The following MYO7A variants were observed in gnomAD, a reference collection of about 807,000 sequenced individuals.
MYO7A encodes the protein unconventional myosin-VIIa.
MYO7A carries 210 observed loss-of-function variants against 263.8 expected under a neutral mutation model. The observed-to-expected ratio is 0.80, with a 90% CI of 0.71 to 0.89. The LOEUF is 0.89. MYO7A is among the 40% of genes least tolerant of loss of function. The pLI, the probability that MYO7A is intolerant of heterozygous loss-of-function variation, is 0.00. For synonymous variants in MYO7A, 1,239 were observed against 1,197.3 expected (o/e 1.03, Z -0.72); for missense variants, 2,820 against 2,968.3 (o/e 0.95, Z 1.16).
chr11:77,129,843 G>A (rs1296361507), intron 1 of MYO7A, among the ~76,000 whole-genome samples: 1 of 152,210 alleles, frequency 6.6e-6, no homozygotes, highest in Non-Finnish European at 1.5e-5. Context: ...GATGGCAAGA[G>A]CTGGCGTATT....
At chr11:77,161,796 A>C (rs1591294325) in intron 12 of MYO7A, among the ~76,000 whole-genome samples, 1 of 152,152 alleles carries the variant, frequency 6.6e-6, no homozygotes, top group East Asian at 1.9e-4. Flanking sequence ...TCTCCCAGGC[A>C]TCTGCCTGGG....
chr11:77,159,358 G>A (rs1952772588), intron 9 of MYO7A, 89 bp from the exon 10 acceptor site: 2 of 1,237,178 alleles, frequency 1.6e-6, no homozygotes. Flanking sequence ...CCCGGCAGCA[G>A]GAGTGGCAGC....
intron 2 of MYO7A, among the ~76,000 whole-genome samples, chr11:77,134,716 T>G (rs1555046925): frequency 6.6e-6 from 1 of 152,038 alleles, no homozygotes; most frequent in Admixed American, 6.6e-5. Context: ...CACTGTCTAC[T>G]GTACTCTATT....
In MYO7A at chr11:77,155,957, C is replaced by T; in HGVS notation, c.336C>T (p.Ser112=). Residue 112 remains serine, a synonymous_variant, in exon 5 of 49, where the codon TCC becomes TCT. Transcript: ENST00000409709. The part of the protein sequence containing the change: ...LVAVNPYQLL[S]IYSPEHIRQY... ...CTGTGAACCCCTACCAGCTGCTCTC[C>T]ATCTACTCGCCAGAGCACATCCGCC... is the stretch of plus-strand genomic sequence containing the variant. 1.2e-6 allele frequency: 2 copies of T among 1,612,500 alleles called. No individual in the cohort carries two copies. Among genetic ancestry groups the T allele is most frequent in the South Asian group, 1.1e-5 (1 of 90,650 alleles).
intron 17 of MYO7A, 90 bp downstream of exon 17, chr11:77,175,004 G>T: frequency 6.6e-7 from 1 of 1,517,232 alleles, no homozygotes; most frequent in Non-Finnish European, 9.0e-7. Flanking sequence ...ACCATGGGCG[G>T]GGCTTGACAT....
intron 38 of MYO7A, among the ~76,000 whole-genome samples, chr11:77,203,738 C>T (rs1333687088): frequency 6.6e-6 from 1 of 152,174 alleles, no homozygotes; most frequent in Non-Finnish European, 1.5e-5. Flanking sequence ...TCAGCACAGA[C>T]AGGATGGGAA....
chr11:77,194,005 T>C (rs116658872), intron 31 of MYO7A: 357 of 506,302 alleles, frequency 7.1e-4, no homozygotes, highest in African/African-American at 5.9e-3. Context: ...CTTCTGCTGT[T>C]TGTCAGCTCT....
intron 9 of MYO7A, among the ~76,000 whole-genome samples, chr11:77,158,727 A>G (rs1357500734): frequency 6.6e-6 from 1 of 152,218 alleles, no homozygotes; most frequent in Non-Finnish European, 1.5e-5. Context: ...CTTTAAAGTC[A>G]CATGTCTTAG....
At chr11:77,193,476 G>A (rs1956392527) in intron 31 of MYO7A, among the ~76,000 whole-genome samples, 1 of 145,530 alleles carries the variant, frequency 6.9e-6, no homozygotes, top group Non-Finnish European at 1.5e-5. Context: ...TGTTGGTAGT[G>A]ATGATGGTGG....
At chr11:77,152,359 T>C (rs1426102370) in intron 4 of MYO7A, among the ~76,000 whole-genome samples, 1 of 152,250 alleles carries the variant, frequency 6.6e-6, no homozygotes, top group African/African-American at 2.4e-5. Flanking sequence ...GTCCCCTCGC[T>C]ACCTTCCCTG....
chr11:77,208,533 C>T lies in MYO7A; in HGVS notation c.5944+16C>T. 6.2e-7 allele frequency: 1 copy of T among 1,606,822 alleles called. No homozygotes were observed. Among genetic ancestry groups the T allele is most frequent in the Non-Finnish European group, 8.5e-7 (1 of 1,175,560 alleles). ...ATCAAGGACGGTAATGAGGCCGGGT[C>T]CTGGGATCATCTGAGGCCCAGAGCA... On this transcript the variant is annotated intron_variant, in intron 43 of 48. Transcript: ENST00000409709.
At chr11:77,145,067 C>T (rs1377126580) in intron 3 of MYO7A, among the ~76,000 whole-genome samples, 19 of 152,194 alleles carry the variant, frequency 1.2e-4, no homozygotes, top group Non-Finnish European at 7.4e-5. Context: ...GTTGGGACTC[C>T]TCCCACGCAG....
chr11:77,172,012 G>A (rs1555076321), intron 15 of MYO7A, among the ~76,000 whole-genome samples: 2 of 152,200 alleles, frequency 1.3e-5, no homozygotes, highest in East Asian at 3.8e-4. Context: ...GGCTGCTTGT[G>A]TGCCTTCTTA....
In MYO7A at chr11:77,181,521, A is replaced by C. The variant is rs1357072694; in HGVS notation, c.2836A>C (p.Met946Leu). The change falls in exon 23 of 49, where the codon ATG becomes CTG. Residue 946 changes from methionine (M) to leucine (L), a missense_variant. Physicochemically the swap from Met to Leu is conservative, Grantham distance 15. Coordinates refer to ENST00000409709, the MANE Select transcript of MYO7A (RefSeq NM_000260.4). ...PVNHSDMVDKMFGFLGTSGGL... is the reference protein window; with the variant it reads ...PVNHSDMVDKLFGFLGTSGGL... ...CAATCACTCAGACATGGTGGACAAG[A>C]TGTTTGGCTTCCTGGGGACTTCAGG... is the stretch of plus-strand genomic sequence containing the variant. The C allele has an allele frequency of 7.4e-6, 12 of 1,613,406 alleles. No individual in the cohort carries two copies. Among genetic ancestry groups the C allele is most frequent in the Non-Finnish European group, 9.3e-6 (11 of 1,179,880 alleles).
At chr11:77,196,467 A>G (rs1246870796) in intron 32 of MYO7A, among the ~76,000 whole-genome samples, 1 of 152,188 alleles carries the variant, frequency 6.6e-6, no homozygotes, top group Non-Finnish European at 1.5e-5. Flanking sequence ...GGAAGGAAGC[A>G]CACAATTCAG....
At chr11:77,212,236 C>T (rs1016301857) in intron 46 of MYO7A, 4 of 534,404 alleles carry the variant, frequency 7.5e-6, no homozygotes, top group Admixed American at 2.2e-5. Context: ...TGGCAGAGCT[C>T]GGGAGGCTCT....
At chr11:77,148,347 G>T (rs902328102) in intron 4 of MYO7A, among the ~76,000 whole-genome samples, 7 of 152,242 alleles carry the variant, frequency 4.6e-5, no homozygotes, top group African/African-American at 1.7e-4. Context: ...AGGCCGCAGG[G>T]CCAAGAGAGG....
chr11:77,182,549 G>A lies in MYO7A; in HGVS notation c.3234G>A (p.Leu1078=). The A allele has an allele frequency of 1.2e-6, 2 of 1,613,354 alleles. No homozygotes were observed. Among genetic ancestry groups the A allele is most frequent in the Admixed American group, 3.3e-5 (2 of 60,028 alleles). ...IPVMTKIYET[L]GKKTYKRELQ... ...TGATGACCAAGATTTATGAGACCCT[G>A]GGCAAGAAGACGTACAAGAGGGAGC... The change falls in exon 25 of 49, where the codon CTG becomes CTA. Residue 1078 remains leucine, a synonymous_variant. Coordinates refer to ENST00000409709, the MANE Select transcript of MYO7A (RefSeq NM_000260.4).
chr11:77,181,783 T>C (rs1234463764), intron 23 of MYO7A, among the ~76,000 whole-genome samples, 168 bp from the exon 24 acceptor site: 1 of 131,428 alleles, frequency 7.6e-6, no homozygotes, highest in Non-Finnish European at 1.7e-5. Flanking sequence ...TTTTTTGTTT[T>C]TTTTTTTTTT....
Sources: allele counts gnomAD v4.1 joint callset (sites outside exome capture counted in the v4.1 genomes callset), GRCh38; gene constraint gnomAD v4.1.1; transcripts MANE v1.5; gene names NCBI Gene and HGNC (gene_info 2026-07-23, HGNC 2026-07-21).